Variants in C17orf114 observed in about 807,000 individuals in gnomAD.
The protein encoded by C17orf114 is chromosome 17 open reading frame 114.
At chr17:4,801,794 T>C (rs959540530) in intron 1 of C17orf114, among the ~76,000 whole-genome samples, 40 of 151,828 alleles carry the variant, frequency 2.6e-4, no homozygotes, top group African/African-American at 9.4e-4. Context: ...ACAATGGCAC[T>C]ATTTCGGCTC....
upstream of C17orf114, among the ~76,000 whole-genome samples, chr17:4,803,485 C>T (rs1300707985): frequency 1.6e-5 from 2 of 123,268 alleles, no homozygotes; most frequent in Non-Finnish European, 3.2e-5. Context: ...AATGCAGTGG[C>T]GCGGTCTTGG....
chr17:4,806,250 C>T (rs2150664576), upstream of C17orf114, among the ~76,000 whole-genome samples: 1 of 152,210 alleles, frequency 6.6e-6, no homozygotes, highest in South Asian at 2.1e-4. Flanking sequence ...ATGGAAAAAC[C>T]ATTTAGAAAA....
chr17:4,803,139 G>A (rs1004565488), upstream of C17orf114, among the ~76,000 whole-genome samples: 6 of 151,718 alleles, frequency 4.0e-5, no homozygotes, highest in Non-Finnish European at 8.8e-5. Flanking sequence ...GGCTAGTCTC[G>A]AACTCCTGAC....
chr17:4,805,808 C>G (rs552847183), upstream of C17orf114, among the ~76,000 whole-genome samples: 18 of 152,092 alleles, frequency 1.2e-4, no homozygotes, highest in East Asian at 3.5e-3. Flanking sequence ...AAAAAATTAG[C>G]TGGGCGTGGT....
upstream of C17orf114, among the ~76,000 whole-genome samples, chr17:4,803,146 T>C (rs994535916): frequency 1.3e-5 from 2 of 152,058 alleles, no homozygotes; most frequent in African/African-American, 4.8e-5. Context: ...CTCGAACTCC[T>C]GACCTCAGGC....
At chr17:4,806,979 G>GC (rs1004230201), upstream of C17orf114, 5 of 150,516 alleles carry the variant, frequency 3.3e-5, no homozygotes, top group African/African-American at 1.2e-4. Context: ...GCACAGGGCG[G>GC]CCCCCTGCCC....
chr17:4,806,803 C>T (rs1410311067), upstream of C17orf114: 1 of 150,704 alleles, frequency 6.6e-6, no homozygotes, highest in African/African-American at 2.4e-5. Context: ...GCGCCCGCGG[C>T]TGGAGGGGCC....
chr17:4,805,226 G>C (rs891378897), upstream of C17orf114, among the ~76,000 whole-genome samples: 5 of 151,486 alleles, frequency 3.3e-5, no homozygotes, highest in African/African-American at 1.2e-4. Context: ...TCAGGAGTTC[G>C]ACGCCAGCCT....
upstream of C17orf114, among the ~76,000 whole-genome samples, chr17:4,803,416 A>ATTTTTTTTTTTTT (rs34116712): frequency 2.7e-5 from 2 of 75,450 alleles, no homozygotes; most frequent in Non-Finnish European, 4.5e-5. Flanking sequence ...GTTTTTTTTA[A>ATTTTTTTTTTTTT]TTTTTTTTTT....
At chr17:4,802,784 G>A (rs534828806), upstream of C17orf114, among the ~76,000 whole-genome samples, 42 of 152,230 alleles carry the variant, frequency 2.8e-4, no homozygotes, top group African/African-American at 9.6e-4. Context: ...ATTATTCAGG[G>A]AAATGTTAGA....
chr17:4,804,584 T>TA (rs1419978073), upstream of C17orf114, among the ~76,000 whole-genome samples: 1 of 151,016 alleles, frequency 6.6e-6, no homozygotes, highest in Non-Finnish European at 1.5e-5. Context: ...CTGCCTGAGT[T>TA]ACACAGAAAT....
At chr17:4,803,982 A>T (rs1039722466), upstream of C17orf114, among the ~76,000 whole-genome samples, 1 of 152,042 alleles carries the variant, frequency 6.6e-6, no homozygotes, top group Non-Finnish European at 1.5e-5. Context: ...TCAGCCTCCC[A>T]AAGTGCTGGG....
upstream of C17orf114, among the ~76,000 whole-genome samples, chr17:4,803,213 C>T (rs1905554875): frequency 6.6e-6 from 1 of 151,832 alleles, no homozygotes; most frequent in East Asian, 1.9e-4. Flanking sequence ...GCCACCGCAC[C>T]CGGCCTCAAA....
intron 1 of C17orf114, 92 bp downstream of exon 1, chr17:4,802,155 T>C (rs976674957): frequency 2.5e-6 from 1 of 398,330 alleles, no homozygotes; most frequent in African/African-American, 2.1e-5. Context: ...ATGATCCTTT[T>C]CCCTTTGCTG....
chr17:4,801,545 G>A (rs1428634064), intron 1 of C17orf114, 90 bp from the exon 2 acceptor site: 1 of 365,530 alleles, frequency 2.7e-6, no homozygotes, highest in Non-Finnish European at 4.8e-6. Flanking sequence ...AGAAGCAAGG[G>A]AAGACACCTG....
upstream of C17orf114, among the ~76,000 whole-genome samples, chr17:4,803,447 CAG>C (rs762364104): frequency 5.2e-4 from 47 of 91,168 alleles, 1 homozygote; most frequent in Non-Finnish European, 8.3e-4. Context: ...TTTTTTGAGA[CAG>C]AGTCTCGCTC....
chr17:4,804,481 A>C (rs1384369208), upstream of C17orf114, among the ~76,000 whole-genome samples: 1 of 147,958 alleles, frequency 6.8e-6, no homozygotes, highest in East Asian at 2.0e-4. Flanking sequence ...TGGGATTCCA[A>C]GCGTGAGCCA....
At chr17:4,802,005 A>G (rs113135422) in intron 1 of C17orf114, among the ~76,000 whole-genome samples, 3,147 of 152,212 alleles carry the variant, frequency 0.021, 127 homozygotes, top group African/African-American at 0.07. Flanking sequence ...CTAGGATTAC[A>G]GGCATGAGCC....
chr17:4,803,014 T>C (rs1198041181), upstream of C17orf114, among the ~76,000 whole-genome samples: 1 of 152,050 alleles, frequency 6.6e-6, no homozygotes, highest in Non-Finnish European at 1.5e-5. Context: ...CCTCCTGGGT[T>C]GAAGTGATTT....
Sources: gnomAD v4.1 joint callset for allele counts (sites outside exome capture counted in the v4.1 genomes callset) on GRCh38, gnomAD v4.1.1 for gene constraint, MANE v1.5 for transcripts, NCBI Gene and HGNC (gene_info 2026-07-23, HGNC 2026-07-21) for gene names.